TANC2: variants seen among roughly 807,000 people sequenced by gnomAD.
TANC2 encodes protein TANC2.
Under a neutral mutation model 210.5 loss-of-function variants are expected in TANC2, and 26 were observed. The observed-to-expected ratio is 0.12, with a 90% CI of 0.09 to 0.17. The LOEUF (loss-of-function observed/expected upper bound fraction) is 0.17, where lower values mean the gene tolerates loss of function less well. Among genes scored for constraint, TANC2 ranks in the 10% least tolerant of loss-of-function variants. The pLI is 1.00. For synonymous variants in TANC2, 931 were observed against 967.1 expected, an observed-to-expected ratio of 0.96 and a Z score of 0.69; for missense variants, 2,129 against 2,608.9, an observed-to-expected ratio of 0.82 and a Z score of 4.01.
At chr17:63,126,326 G>A (rs16946766) in intron 4 of TANC2, among the ~76,000 whole-genome samples, 4,070 of 152,246 alleles carry the variant, frequency 0.027, 66 homozygotes, top group Non-Finnish European at 0.038. Flanking sequence ...GAATGCCTTC[G>A]GCTAAGCAGG....
At chr17:63,347,423 A>G (rs916009091) in intron 12 of TANC2, among the ~76,000 whole-genome samples, 3 of 152,216 alleles carry the variant, frequency 2.0e-5, no homozygotes, top group Non-Finnish European at 1.5e-5. Flanking sequence ...ACATGAGTAC[A>G]TATAGCTGTC....
chr17:63,344,164 T>C (rs2046326629), intron 12 of TANC2, among the ~76,000 whole-genome samples: 1 of 152,334 alleles, frequency 6.6e-6, no homozygotes, highest in East Asian at 1.9e-4. Context: ...CGAACTCTAT[T>C]GTGAACTATG....
chr17:63,229,768 G>C (rs921293924), intron 7 of TANC2, among the ~76,000 whole-genome samples: 4 of 135,356 alleles, frequency 3.0e-5, no homozygotes, highest in Non-Finnish European at 6.4e-5. Flanking sequence ...ATGATTGTTT[G>C]TATTTTTTTT....
At chr17:63,115,362 G>A (rs1474060874) in intron 4 of TANC2, among the ~76,000 whole-genome samples, 2 of 152,082 alleles carry the variant, frequency 1.3e-5, no homozygotes, top group South Asian at 2.1e-4. Flanking sequence ...CACTTTGCAT[G>A]TTCTTTGATA....
intron 5 of TANC2, among the ~76,000 whole-genome samples, chr17:63,172,605 A>G (rs1445623570): frequency 2.0e-5 from 3 of 152,346 alleles, no homozygotes; most frequent in South Asian, 2.1e-4. Flanking sequence ...ATAATTTAAT[A>G]CATCATCTCC....
intron 2 of TANC2, among the ~76,000 whole-genome samples, chr17:63,060,988 A>G (rs2035976982): frequency 6.6e-6 from 1 of 151,990 alleles, no homozygotes. Flanking sequence ...CAGGAGGTGG[A>G]GGCTCTTTTT....
intron 19 of TANC2, among the ~76,000 whole-genome samples, chr17:63,404,741 C>T: frequency 6.6e-6 from 1 of 152,016 alleles, no homozygotes; most frequent in East Asian, 1.9e-4. Flanking sequence ...AACTTTTTAT[C>T]TCTGCAAAGA....
chr17:63,150,799 A>G (rs375506078), intron 4 of TANC2: 28 of 152,170 alleles, frequency 1.8e-4, no homozygotes, highest in East Asian at 7.7e-4. Context: ...AAACCTTTTG[A>G]TTACAGTTAT....
rs755699744 is a variant in TANC2, at chr17:63,413,644, G to C, written c.4020+10G>C. The C allele has an allele frequency of 3.2e-6, 5 of 1,583,266 alleles. No homozygotes were observed. In the South Asian group the frequency reaches 5.8e-5, roughly 18 times the overall value. The stretch of plus-strand genomic sequence containing the variant: ...GGACATGTTTTATAAGGTGAGGGGA[G>C]GGAGGGACACAGTTTCTTCAGAACA... On this transcript the variant is annotated intron_variant, in intron 25 of 27. Coordinates refer to ENST00000689528, the Ensembl canonical transcript of TANC2.
At position 63,420,761 on chromosome 17, in the gene TANC2, G is replaced by A. The variant is rs754209773; in HGVS notation, c.5031G>A (p.Gln1677=). 1 of 1,613,998 alleles carries A rather than the reference G, an allele frequency of 6.2e-7. No individual in the cohort carries two copies. Among genetic ancestry groups the A allele is most frequent in the South Asian group, 1.1e-5 (1 of 91,082 alleles). Residue 1677 remains glutamine, a synonymous_variant, in exon 28 of 28, where the codon CAG becomes CAA. Coordinates refer to ENST00000689528, the Ensembl canonical transcript of TANC2. The surrounding 1 kb of genome is among the most constrained non-coding windows in gnomAD (Gnocchi z 4.2). ...CCCAGCGGCCCTACCAGATGCCTCA[G>A]CTCCCTGTGGCAGTTCCCCAGCAAG...
intron 9 of TANC2, among the ~76,000 whole-genome samples, chr17:63,285,648 G>A (rs368579384): frequency 6.6e-6 from 1 of 152,180 alleles, no homozygotes. Context: ...TTAGACACAA[G>A]CTTCCAAGTA....
chr17:63,411,733 T>G (rs987917838), intron 22 of TANC2, 47 bp downstream of exon 22: 30 of 1,564,058 alleles, frequency 1.9e-5, no homozygotes, highest in Non-Finnish European at 2.5e-5. Flanking sequence ...GAGGGGCTAT[T>G]CTCCATCCAT....
At chr17:63,071,615 T>A (rs539255858) in intron 2 of TANC2, among the ~76,000 whole-genome samples, 1 of 152,296 alleles carries the variant, frequency 6.6e-6, no homozygotes, top group South Asian at 2.1e-4. Context: ...TTTAGTAGAA[T>A]GAATAGACAG....
intron 8 of TANC2, among the ~76,000 whole-genome samples, chr17:63,241,685 A>G (rs926263415): frequency 6.6e-6 from 1 of 152,014 alleles, no homozygotes; most frequent in Admixed American, 6.6e-5. Flanking sequence ...GATTCAAGTC[A>G]CCCCTCGGCG....
At chr17:63,205,605 C>A (rs765133219) in intron 7 of TANC2, among the ~76,000 whole-genome samples, 13 of 151,980 alleles carry the variant, frequency 8.6e-5, no homozygotes, top group Non-Finnish European at 1.6e-4. Flanking sequence ...TCAAATGATA[C>A]TATCAAGAGA....
rs1409531518 is a variant in TANC2 at position 63,237,946 on chromosome 17, G to A, written c.902G>A (p.Arg301Gln). ...TCCAGCATGGACTCCTGTTTGTATC[G>A]AGTAGATGAAAACATGACTGCTTCC... Residue 301 changes from arginine to glutamine, a missense_variant, in exon 8 of 28, where the codon CGA becomes CAA. Around this residue, in one of 5 missense-constraint regions of TANC2, gnomAD observed 739 missense variants for 848.0 expected, o/e 0.87. Coordinates refer to ENST00000689528, the Ensembl canonical transcript of TANC2. 5 of 1,589,244 alleles carry A rather than the reference G, an allele frequency of 3.1e-6. No homozygotes were observed. Among genetic ancestry groups the A allele is most frequent in the East Asian group, 4.5e-5 (2 of 44,120 alleles).
intron 9 of TANC2, among the ~76,000 whole-genome samples, chr17:63,295,310 T>C (rs2044501503): frequency 6.6e-6 from 1 of 152,224 alleles, no homozygotes; most frequent in Non-Finnish European, 1.5e-5. Context: ...AAATAACTTT[T>C]TAAAATGTCA....
intron 2 of TANC2, among the ~76,000 whole-genome samples, chr17:63,016,013 T>C (rs537014359): frequency 6.6e-4 from 101 of 152,232 alleles, no homozygotes; most frequent in Non-Finnish European, 6.2e-4. Flanking sequence ...TTTCAGATAT[T>C]CGGGAATTCA....
chr17:63,233,892 C>T (rs573058978), intron 7 of TANC2, among the ~76,000 whole-genome samples: 3 of 152,294 alleles, frequency 2.0e-5, no homozygotes, highest in Admixed American at 6.5e-5. Flanking sequence ...TTCTCTAGCC[C>T]TCAAGTCTGG....
Sources: gnomAD v4.1 joint callset for allele counts (sites outside exome capture counted in the v4.1 genomes callset) on GRCh38, gnomAD v4.1.1 for gene constraint, gnomAD v4.1.1 regional missense constraint, Gnocchi (gnomAD v3.1) non-coding constraint, MANE v1.5 for transcripts, NCBI Gene and HGNC (gene_info 2026-07-23, HGNC 2026-07-21) for gene names.